Variants in ANO5 observed in about 807,000 individuals in gnomAD.
ANO5 encodes the protein anoctamin 5, also known as anoctamin-5.
ANO5 carries 109 observed loss-of-function variants against 121.0 expected under a neutral mutation model. The observed-to-expected ratio is 0.90, with a 90% CI of 0.77 to 1.06. The LOEUF (loss-of-function observed/expected upper bound fraction) is 1.06. Among genes scored for constraint, ANO5 ranks in the 50% least tolerant of loss-of-function variants. ANO5 has a pLI of 0.00. For missense variants in ANO5, 1,064 were observed against 1,078.5 expected (o/e 0.99, Z 0.19); for synonymous variants, 406 against 359.9 (o/e 1.13, Z -1.45).
chr11:22,193,445 C>G lies in ANO5; in HGVS notation c.-48C>G. 3 of 1,592,898 alleles carry G rather than the reference C, an allele frequency of 1.9e-6. No homozygotes were observed. The highest frequency in any genetic ancestry group is 2.6e-6 in the Non-Finnish European group (3 of 1,170,460). ...ATCTCCACGTCTGTCTCAGCTGCCC[C>G]TCTCCTGCTGCCTCTCAGGCACCAG... On this transcript the variant is annotated 5_prime_UTR_variant, in exon 1 of 22. Coordinates refer to ENST00000324559, the MANE Select transcript of ANO5 (RefSeq NM_213599.3).
chr11:22,252,979 AC>A (rs1273547008), intron 12 of ANO5, among the ~76,000 whole-genome samples: 1 of 152,162 alleles, frequency 6.6e-6, no homozygotes, highest in Non-Finnish European at 1.5e-5. Flanking sequence ...CAGGCTCATC[AC>A]TAGATTACTT....
intron 12 of ANO5, among the ~76,000 whole-genome samples, chr11:22,254,577 A>C (rs1853929459): frequency 6.6e-6 from 1 of 152,090 alleles, no homozygotes; most frequent in Non-Finnish European, 1.5e-5. Context: ...TGTACACAGC[A>C]ACAAAGTTGA....
At chr11:22,198,525 A>G (rs1246485149) in intron 1 of ANO5, among the ~76,000 whole-genome samples, 1 of 152,218 alleles carries the variant, frequency 6.6e-6, no homozygotes, top group Non-Finnish European at 1.5e-5. Flanking sequence ...TCAAATTTTA[A>G]TAGCAGCTTG....
Position 22,203,829 on chromosome 11 carries a change from C to T in ANO5, c.66C>T (p.Asp22=), listed in dbSNP as rs1852035112. The change falls in exon 2 of 22, where the codon GAC becomes GAT. Residue 22 remains aspartate (D), a synonymous_variant. Transcript: ENST00000324559. ...GGGAAAAAGTCAATAAGCATATAGA[C>T]TACTCTTTCCAAATGAGTGAGGTAA... The part of the protein sequence containing the change: ...EEGEKVNKHI[D]YSFQMSEQSL... 2 of 1,476,518 alleles carry T rather than the reference C, an allele frequency of 1.4e-6. No homozygotes were observed. Among genetic ancestry groups the T allele is most frequent in the Non-Finnish European group, 1.9e-6 (2 of 1,061,278 alleles). 91.5% of individuals were successfully genotyped at this position (1,476,518 alleles called of 1,614,324 possible). A position where few individuals can be genotyped will look rare whatever the true frequency, so the allele number is the denominator to read the frequency against.
chr11:22,233,199 G>A (rs894458377), intron 7 of ANO5, among the ~76,000 whole-genome samples: 16 of 151,612 alleles, frequency 1.1e-4, no homozygotes, highest in African/African-American at 3.9e-4. Context: ...ACTGGGAGAT[G>A]AGTATGCTGC....
chr11:22,244,646 G>T (rs2133684407), intron 9 of ANO5, among the ~76,000 whole-genome samples: 1 of 150,004 alleles, frequency 6.7e-6, no homozygotes, highest in Admixed American at 6.6e-5. Flanking sequence ...GCTCTGAGAT[G>T]CTTTCCTCAG....
At chr11:22,251,730 A>G (rs1284477786) in intron 12 of ANO5, among the ~76,000 whole-genome samples, 1 of 152,084 alleles carries the variant, frequency 6.6e-6, no homozygotes, top group East Asian at 1.9e-4. Context: ...ATGCCATTCA[A>G]AACTGGGCAA....
chr11:22,236,648 A>T (rs543434042), intron 8 of ANO5, among the ~76,000 whole-genome samples: 6 of 152,172 alleles, frequency 3.9e-5, no homozygotes, highest in Non-Finnish European at 8.8e-5. Context: ...AAGAATTTAA[A>T]TTACCTGCAT....
At chr11:22,218,610 G>A (rs1304309620) in intron 4 of ANO5, among the ~76,000 whole-genome samples, 1 of 152,024 alleles carries the variant, frequency 6.6e-6, no homozygotes. Flanking sequence ...GCCCAGGCTG[G>A]AGTGCAGTGG....
intron 21 of ANO5, 102 bp from the exon 22 acceptor site, chr11:22,279,442 T>C: frequency 1.0e-6 from 1 of 971,572 alleles, no homozygotes. Context: ...CTACCTCATA[T>C]GTTGAGCAGT....
At chr11:22,193,776 C>T (rs1206753687) in intron 1 of ANO5, among the ~76,000 whole-genome samples, 1 of 152,202 alleles carries the variant, frequency 6.6e-6, no homozygotes, top group Non-Finnish European at 1.5e-5. Flanking sequence ...GGACCTGCGA[C>T]CTGTGACCCC....
chr11:22,201,431 T>C (rs183851244), intron 1 of ANO5, among the ~76,000 whole-genome samples: 7 of 152,314 alleles, frequency 4.6e-5, no homozygotes, highest in East Asian at 1.9e-4. Context: ...TAGCCAGATA[T>C]GTGAAAGAAG....
intron 2 of ANO5, among the ~76,000 whole-genome samples, chr11:22,207,103 T>G (rs1469052241): frequency 6.6e-6 from 1 of 152,038 alleles, no homozygotes; most frequent in East Asian, 1.9e-4. Context: ...TTAGTTATAT[T>G]TCTATATACT....
intron 1 of ANO5, among the ~76,000 whole-genome samples, chr11:22,200,117 C>G (rs1016379904): frequency 2.0e-5 from 3 of 152,102 alleles, no homozygotes; most frequent in Admixed American, 1.3e-4. Flanking sequence ...GTAATGCTAA[C>G]ATCATCACTG....
At chr11:22,242,839 G>C (rs1853478529) in intron 9 of ANO5, among the ~76,000 whole-genome samples, 1 of 151,962 alleles carries the variant, frequency 6.6e-6, no homozygotes, top group Admixed American at 6.6e-5. Context: ...GAATCATTTG[G>C]CAACAAAGAG....
At chr11:22,221,666 T>C (rs1226612702) in intron 5 of ANO5, among the ~76,000 whole-genome samples, 1 of 151,974 alleles carries the variant, frequency 6.6e-6, no homozygotes. Flanking sequence ...TTTACTTGTT[T>C]GCTGTCTCCA....
At chr11:22,263,820 C>T (rs1009206873) in intron 17 of ANO5, among the ~76,000 whole-genome samples, 1 of 152,036 alleles carries the variant, frequency 6.6e-6, no homozygotes, top group Non-Finnish European at 1.5e-5. Flanking sequence ...GGTTTATTCT[C>T]ACTCATGAAA....
chr11:22,232,247 T>C lies in ANO5; in HGVS notation c.649-3916T>C, dbSNP rs144621969. ...AGAAATTTATTTGTGTATGTGTCAT[T>C]ATTGTTTTAATTTGCACTTCCCTGA... On this transcript the variant is annotated intron_variant, in intron 7 of 21. Transcript: ENST00000324559. Among the ~76,000 whole-genome samples the C allele has an allele frequency of 6.0e-3, 914 of 152,162 alleles. 13 individuals carry two copies. Among genetic ancestry groups the C allele is most frequent in the African/African-American group, 0.021 (879 of 41,556 alleles).
intron 4 of ANO5, among the ~76,000 whole-genome samples, chr11:22,218,774 G>C (rs1018078119): frequency 6.6e-6 from 1 of 151,898 alleles, no homozygotes. Context: ...TGTTGTCCAG[G>C]CTGGTCTTGA....
Sources: allele counts gnomAD v4.1 joint callset (sites outside exome capture counted in the v4.1 genomes callset), GRCh38; gene constraint gnomAD v4.1.1; transcripts MANE v1.5; gene names NCBI Gene and HGNC (gene_info 2026-07-23, HGNC 2026-07-21).